Variants in SPRYD7 observed in about 807,000 individuals in gnomAD.
The protein encoded by SPRYD7 is SPRY domain-containing protein 7.
Under a neutral mutation model 23.8 loss-of-function variants are expected in SPRYD7, and 14 were observed. The observed-to-expected ratio is 0.59, with a 90% CI of 0.39 to 0.92. The LOEUF is 0.92. Among genes scored for constraint, SPRYD7 ranks in the 40% least tolerant of loss-of-function variants. The probability of loss-of-function intolerance (pLI) is 0.00; values close to 1 mark genes in which losing one functional copy is unlikely to be tolerated. For missense variants in SPRYD7, 194 were observed against 241.7 expected (o/e 0.80, Z 1.31); for synonymous variants, 75 against 84.9 (o/e 0.88, Z 0.64).
intron 3 of SPRYD7, among the ~76,000 whole-genome samples, chr13:49,922,844 T>C (rs1245107298): frequency 6.6e-6 from 1 of 152,100 alleles, no homozygotes; most frequent in East Asian, 1.9e-4. Context: ...TAGATCATCT[T>C]AGTCTTAAAT....
At position 49,929,794 on chromosome 13, in the gene SPRYD7, CTTTTT is replaced by C. The variant is rs543081981; in HGVS notation, c.223+1219_223+1223del. Among the ~76,000 whole-genome samples the C allele has an allele frequency of 4.3e-5, 6 of 138,362 alleles. No individual in the cohort carries two copies. The East Asian group carries it at 8.4e-4, about 19-fold the overall frequency. The allele number at this position is 138,362 out of a possible 152,430, so 90.8% of individuals were successfully genotyped here. A position where few individuals can be genotyped will look rare whatever the true frequency, so the allele number is the denominator to read the frequency against. On this transcript the variant is annotated intron_variant, in intron 2 of 4. Coordinates refer to ENST00000361840, the MANE Select transcript of SPRYD7 (RefSeq NM_020456.4). ...AGGCGTGAGCCACCACGCCCAGCCA[CTTTTT>C]TTTTTTTTGAGACGGAGTCTCACTC... is the stretch of plus-strand genomic sequence containing the variant.
chr13:49,916,505 T>C (rs1018617006), intron 4 of SPRYD7, among the ~76,000 whole-genome samples: 1 of 152,014 alleles, frequency 6.6e-6, no homozygotes, highest in African/African-American at 2.4e-5. Context: ...TCAAATGCTC[T>C]ACCCTTGAGC....
At chr13:49,924,994 A>AATAAT (rs773189375) in intron 3 of SPRYD7, among the ~76,000 whole-genome samples, 239 of 135,786 alleles carry the variant, frequency 1.8e-3, no homozygotes, top group South Asian at 7.1e-3. Flanking sequence ...AAAAATAAAT[A>AATAAT]AATAATAATA....
intron 4 of SPRYD7, among the ~76,000 whole-genome samples, chr13:49,917,938 C>T (rs1452537118): frequency 6.6e-6 from 1 of 152,086 alleles, no homozygotes; most frequent in Non-Finnish European, 1.5e-5. Flanking sequence ...CTAATGAAAA[C>T]CTTAAACTAA....
chr13:49,925,537 C>A (rs1158021388), intron 3 of SPRYD7, among the ~76,000 whole-genome samples: 1 of 152,036 alleles, frequency 6.6e-6, no homozygotes, highest in African/African-American at 2.4e-5. Context: ...GTAGGCCGGG[C>A]ACGGTGGCTC....
chr13:49,917,754 C>T (rs2138212219), intron 4 of SPRYD7, among the ~76,000 whole-genome samples: 1 of 152,250 alleles, frequency 6.6e-6, no homozygotes, highest in African/African-American at 2.4e-5. Flanking sequence ...TATTTTATTT[C>T]TCAGGCTAAC....
At chr13:49,927,680 G>C (rs1955897946) in intron 3 of SPRYD7, among the ~76,000 whole-genome samples, 1 of 152,160 alleles carries the variant, frequency 6.6e-6, no homozygotes, top group East Asian at 1.9e-4. Context: ...TAATTCTCCA[G>C]AGTAGAAATA....
chr13:49,919,726 C>CAAA (rs1303310878), intron 4 of SPRYD7, among the ~76,000 whole-genome samples: 4 of 73,104 alleles, frequency 5.5e-5, no homozygotes, highest in Admixed American at 1.5e-4. Flanking sequence ...GACTCTGTCT[C>CAAA]AAAAAAAAAA....
At chr13:49,920,156 T>C (rs186015385) in intron 4 of SPRYD7, among the ~76,000 whole-genome samples, 4 of 151,750 alleles carry the variant, frequency 2.6e-5, no homozygotes, top group South Asian at 2.1e-4. Context: ...GTGGCTGAGG[T>C]GGGAGGATTG....
intron 1 of SPRYD7, 86 bp from the exon 2 acceptor site, chr13:49,931,220 C>T (rs1955944556): frequency 3.5e-6 from 3 of 851,660 alleles, no homozygotes; most frequent in Non-Finnish European, 5.3e-6. Flanking sequence ...TGCTCTGTCA[C>T]CCAGGCTGGA....
In SPRYD7 at chr13:49,931,024, A is replaced by G; in HGVS notation, c.217T>C (p.Ser73Pro). 6.2e-7 allele frequency: 1 copy of G among 1,606,812 alleles called. No individual in the cohort carries two copies. Among genetic ancestry groups the G allele is most frequent in the East Asian group, 2.2e-5 (1 of 44,774 alleles). Residue 73 changes from serine (S) to proline (P), a missense_variant, in exon 2 of 5, where the codon TCC becomes CCC. Physicochemically the swap from Ser to Pro is moderately conservative, Grantham distance 74 (BLOSUM62 -1). Coordinates refer to ENST00000361840, the MANE Select transcript of SPRYD7 (RefSeq NM_020456.4). The stretch of plus-strand genomic sequence containing the variant: ...AAAGTACCATTATACCAACCTGTGG[A>G]CTGGATTTTGAATTCAAAATAGCTT... ...NKSYFEFKIQ[S>P]TGIWGIGVAT...
intron 3 of SPRYD7, among the ~76,000 whole-genome samples, chr13:49,922,352 G>C (rs1955831002): frequency 6.7e-6 from 1 of 149,416 alleles, no homozygotes; most frequent in Non-Finnish European, 1.5e-5. Flanking sequence ...TAAATAAAAG[G>C]CTAGAAAAGA....
chr13:49,918,662 G>A (rs887222173), intron 4 of SPRYD7, among the ~76,000 whole-genome samples: 3 of 151,728 alleles, frequency 2.0e-5, no homozygotes, highest in African/African-American at 4.8e-5. Flanking sequence ...ACAGGCATGA[G>A]CCACCGTGCC....
At chr13:49,930,947 T>C (rs1023831029) in intron 2 of SPRYD7, 71 bp downstream of exon 2, 2 of 931,796 alleles carry the variant, frequency 2.1e-6, no homozygotes, top group African/African-American at 3.4e-5. Context: ...GAATCTTTTT[T>C]ATGTGTTACA....
At chr13:49,920,825 G>C (rs1326635159) in intron 4 of SPRYD7, among the ~76,000 whole-genome samples, 2 of 152,068 alleles carry the variant, frequency 1.3e-5, no homozygotes, top group African/African-American at 4.8e-5. Flanking sequence ...GCCAGGCGTG[G>C]TGGCAGGCAC....
intron 4 of SPRYD7, among the ~76,000 whole-genome samples, chr13:49,919,056 G>A (rs191975361): frequency 1.3e-5 from 2 of 152,096 alleles, no homozygotes; most frequent in African/African-American, 4.8e-5. Context: ...GAACTTAAAT[G>A]AGAAAATATT....
At chr13:49,931,687 A>C (rs916990104) in intron 1 of SPRYD7, among the ~76,000 whole-genome samples, 2 of 152,268 alleles carry the variant, frequency 1.3e-5, no homozygotes, top group African/African-American at 2.4e-5. Flanking sequence ...AGTGGTTCGT[A>C]CCTGTAATCC....
intron 3 of SPRYD7, among the ~76,000 whole-genome samples, chr13:49,924,976 C>CAAA (rs1227471302): frequency 1.3e-4 from 12 of 94,156 alleles, no homozygotes; most frequent in African/African-American, 3.9e-4. Flanking sequence ...AACTCCATCT[C>CAAA]AAAAAAAAAA....
intron 4 of SPRYD7, among the ~76,000 whole-genome samples, chr13:49,916,407 C>T (rs539017060): frequency 1.3e-5 from 2 of 151,286 alleles, no homozygotes; most frequent in African/African-American, 2.4e-5. Context: ...ATGAAGTCAC[C>T]AGTGATTTTA....
Sources: gnomAD v4.1 joint callset for allele counts (sites outside exome capture counted in the v4.1 genomes callset) on GRCh38, gnomAD v4.1.1 for gene constraint, MANE v1.5 for transcripts, NCBI Gene and HGNC (gene_info 2026-07-23, HGNC 2026-07-21) for gene names.